CDC73: variants seen among roughly 807,000 people sequenced by gnomAD.
CDC73 encodes cell division cycle 73, also known as parafibromin.
A neutral mutation model predicts 83.7 loss-of-function variants in CDC73; 21 were observed. The ratio of observed to expected loss-of-function variants is 0.25; its 90% CI spans 0.18 to 0.36. The LOEUF (loss-of-function observed/expected upper bound fraction) is 0.36, where lower values mean the gene tolerates loss of function less well. Ranked by LOEUF, CDC73 falls within the 10% of genes least tolerant of loss-of-function variation. CDC73 has a pLI of 1.00. For missense variants in CDC73, 342 were observed against 653.3 expected (o/e 0.52, Z 5.19); for synonymous variants, 224 against 212.9 (o/e 1.05, Z -0.45).
intron 6 of CDC73, among the ~76,000 whole-genome samples, chr1:193,138,389 C>A (rs1404465660): frequency 2.0e-5 from 3 of 152,146 alleles, no homozygotes; most frequent in Non-Finnish European, 4.4e-5. Context: ...CCATGTTGGT[C>A]TTTCTTTTTA....
intron 10 of CDC73, among the ~76,000 whole-genome samples, chr1:193,193,302 A>C (rs560330091): frequency 6.6e-6 from 1 of 152,354 alleles, no homozygotes; most frequent in South Asian, 2.1e-4. Flanking sequence ...CTTTCTTTGA[A>C]GAAACTGATA....
At chr1:193,180,045 T>C in intron 10 of CDC73, 1 of 301,634 alleles carries the variant, frequency 3.3e-6, no homozygotes, top group Non-Finnish European at 6.0e-6. Flanking sequence ...TTATGCATGC[T>C]TGTTATTGCA....
Position 193,161,665 on chromosome 1 carries a change from ATCT to A in CDC73, c.972+9222_972+9224del, listed in dbSNP as rs1422943609. 4.6e-5 allele frequency among the ~76,000 whole-genome samples: 2 copies of A among 43,696 alleles called. 1 individual carries two copies. Among genetic ancestry groups the A allele is most frequent in the African/African-American group, 2.0e-4 (2 of 10,256 alleles). The allele number at this position is 43,696 out of a possible 152,430, so 28.7% of individuals were successfully genotyped here. A position where few individuals can be genotyped will look rare whatever the true frequency, so the allele number is the denominator to read the frequency against. Reference sequence around the variant, plus strand: ...TTATATAATATATAATATATTATATATCTATCATATAATATATATAATATATAA... The same window carrying A: ...TTATATAATATATAATATATTATATAATCATATAATATATATAATATATAA... On this transcript the variant is annotated intron_variant, in intron 10 of 16. Transcript: ENST00000367435.
chr1:193,250,455 C>T (rs1678026926), intron 16 of CDC73, among the ~76,000 whole-genome samples: 1 of 151,704 alleles, frequency 6.6e-6, no homozygotes, highest in South Asian at 2.1e-4. Context: ...ATCTGTGAAA[C>T]ATATATTATT....
rs553128325 is a variant in CDC73 at position 193,123,518 on chromosome 1, C to A, written c.131+1187C>A. On this transcript the variant is annotated intron_variant, in intron 1 of 16. Transcript: ENST00000367435. ...CTTGGATTACAGGCGTGAGCCACGG[C>A]GCCCTGCCTATTGGTTGGTTTTAAA... Among the ~76,000 whole-genome samples, 5 of 152,322 alleles carry A rather than the reference C, an allele frequency of 3.3e-5. 1 individual carries two copies. The South Asian group carries it at 1.0e-3, about 32-fold the overall frequency.
At chr1:193,249,644 A>T in intron 15 of CDC73, 86 bp from the exon 16 acceptor site, 1 of 983,972 alleles carries the variant, frequency 1.0e-6, no homozygotes, top group Non-Finnish European at 1.6e-6. Context: ...TAGTTATAAT[A>T]CGGCTTCAGT....
Position 193,148,618 on chromosome 1 carries a change from T to C in CDC73, c.828+653T>C, listed in dbSNP as rs374982099. On this transcript the variant is annotated intron_variant, in intron 8 of 16. Transcript: ENST00000367435. ...TTTTCTGCAATAGAAAATAGAAGAT[T>C]CTATAAATAGAAAATTTATAATTTT... 1.5e-4 allele frequency among the ~76,000 whole-genome samples: 22 copies of C among 151,474 alleles called. No homozygotes were observed. The South Asian group carries it at 4.4e-3, about 30-fold the overall frequency.
intron 9 of CDC73, among the ~76,000 whole-genome samples, chr1:193,150,682 C>T (rs1558288526): frequency 1.3e-5 from 2 of 152,126 alleles, no homozygotes; most frequent in Non-Finnish European, 2.9e-5. Context: ...TTGGCCAACC[C>T]CTGGTTAATA....
intron 15 of CDC73, among the ~76,000 whole-genome samples, chr1:193,237,301 T>G (rs1165969409): frequency 1.3e-5 from 2 of 152,064 alleles, no homozygotes; most frequent in African/African-American, 4.8e-5. Flanking sequence ...TTTTAGTCAT[T>G]TGTTCTTCTG....
In CDC73 at chr1:193,122,327, TG is replaced by T. The variant is rs2103111785; in HGVS notation, c.131+1del. The T allele has an allele frequency of 6.2e-7, 1 of 1,614,082 alleles. No homozygotes were observed. Among genetic ancestry groups the T allele is most frequent in the Non-Finnish European group, 8.5e-7 (1 of 1,179,960 alleles). ...PKNVKTNYVV[W>X]GTGKEGQPRE... is the part of the protein sequence containing the mutation. ...GAATGTGAAGACCAACTATGTTGTT[TG>T]GGGGTAAGTCCGGCATGGCTGTGGC... On this transcript the variant is annotated frameshift_variant, in exon 1 of 17. Transcript: ENST00000367435. LOFTEE classifies it high-confidence loss of function.
rs529803073 is a variant in CDC73 at position 193,138,306 on chromosome 1, C to G, written c.512+133C>G. On this transcript the variant is annotated intron_variant, in intron 6 of 16. Coordinates refer to ENST00000367435, the MANE Select transcript of CDC73 (RefSeq NM_024529.5). Reference sequence around the variant, plus strand: ...TTTTATGCCTCTTTGCTCTTAAGTTCGTAAGAACATGTGTGGGGATTGGAA... The same window carrying G: ...TTTTATGCCTCTTTGCTCTTAAGTTGGTAAGAACATGTGTGGGGATTGGAA... The G allele has an allele frequency of 1.0e-4, 72 of 715,182 alleles. No individual in the cohort carries two copies. The East Asian group carries it at 1.7e-3, about 17-fold the overall frequency. The allele number at this position is 715,182 out of a possible 1,614,324, so 44.3% of individuals were successfully genotyped here.
At chr1:193,223,405 T>A (rs1455783921) in intron 13 of CDC73, among the ~76,000 whole-genome samples, 5 of 152,164 alleles carry the variant, frequency 3.3e-5, no homozygotes, top group African/African-American at 4.8e-5. Flanking sequence ...TTAAATTAAA[T>A]TCTCTATTGG....
At chr1:193,158,128 AT>A in intron 10 of CDC73, among the ~76,000 whole-genome samples, 1 of 151,606 alleles carries the variant, frequency 6.6e-6, no homozygotes, top group East Asian at 1.9e-4. Context: ...TAATGATATA[AT>A]TTTCATTCAA....
chr1:193,180,265 A>G (rs372729200), intron 10 of CDC73: 1 of 1,522,066 alleles, frequency 6.6e-7, no homozygotes. Context: ...ATATTTACAA[A>G]TTGCACATTT....
At chr1:193,226,309 T>C (rs909710829) in intron 13 of CDC73, among the ~76,000 whole-genome samples, 54 of 152,320 alleles carry the variant, frequency 3.5e-4, no homozygotes, top group African/African-American at 1.3e-3. Flanking sequence ...GCCTATTTTA[T>C]ACCAGTGCCA....
At chr1:193,201,898 T>G (rs148433120) in intron 10 of CDC73, among the ~76,000 whole-genome samples, 2 of 152,262 alleles carry the variant, frequency 1.3e-5, no homozygotes, top group African/African-American at 4.8e-5. Flanking sequence ...ATAATTTTTA[T>G]TCTGGTGATT....
chr1:193,174,861 G>A (rs1252099484), intron 10 of CDC73, among the ~76,000 whole-genome samples: 3 of 152,096 alleles, frequency 2.0e-5, no homozygotes, highest in Non-Finnish European at 4.4e-5. Context: ...TCACTATAGA[G>A]AAAACTTGAT....
At chr1:193,146,108 A>G (rs1407840055) in intron 7 of CDC73, among the ~76,000 whole-genome samples, 2 of 152,180 alleles carry the variant, frequency 1.3e-5, no homozygotes, top group African/African-American at 4.8e-5. Flanking sequence ...TGTTTAAAGA[A>G]GAGAAATTAT....
intron 10 of CDC73, chr1:193,180,212 G>GA: frequency 8.1e-7 from 1 of 1,239,094 alleles, no homozygotes; most frequent in Non-Finnish European, 1.1e-6. Flanking sequence ...ACTAAAACTT[G>GA]TCCTACGGAT....
Sources: allele counts gnomAD v4.1 joint callset (sites outside exome capture counted in the v4.1 genomes callset), GRCh38; gene constraint gnomAD v4.1.1; transcripts MANE v1.5; gene names NCBI Gene and HGNC (gene_info 2026-07-23, HGNC 2026-07-21).